The following ARHGAP32 variants were observed in gnomAD, a reference collection of about 807,000 sequenced individuals.
The protein encoded by ARHGAP32 is rho GTPase-activating protein 32.
ARHGAP32 carries 51 observed loss-of-function variants against 186.5 expected under a neutral mutation model. The observed-to-expected ratio is 0.27, with a 90% CI of 0.22 to 0.35. The LOEUF is 0.35. ARHGAP32 is among the 10% of genes least tolerant of loss of function. The pLI, the probability that ARHGAP32 is intolerant of heterozygous loss-of-function variation, is 1.00. For synonymous variants in ARHGAP32, 950 were observed against 964.3 expected (o/e 0.99, Z 0.27); for missense variants, 2,186 against 2,623.5 (o/e 0.83, Z 3.64).
chr11:128,998,636 T>C (rs932419064), intron 11 of ARHGAP32, among the ~76,000 whole-genome samples, 168 bp from the exon 12 acceptor site: 1 of 152,230 alleles, frequency 6.6e-6, no homozygotes, highest in South Asian at 2.1e-4. Context: ...AGTTGTGTTA[T>C]AAATAACATC....
rs1447884208 is a variant in ARHGAP32 at position 129,131,544 on chromosome 11, A to C, written c.226-6650T>G. ...CCTTGGAGAGCCAGAGAATGTGGGC[A>C]AAGTCTCCAATAAAAAACCACCCAA... On this transcript the variant is annotated intron_variant, in intron 2 of 22. Coordinates refer to ENST00000682385, the MANE Select transcript of ARHGAP32 (RefSeq NM_001378024.1). 2.6e-5 allele frequency among the ~76,000 whole-genome samples: 4 copies of C among 152,182 alleles called. No individual in the cohort carries two copies. In the East Asian group the frequency reaches 5.8e-4, roughly 22 times the overall value.
At chr11:129,093,322 T>C (rs1795450839) in intron 6 of ARHGAP32, among the ~76,000 whole-genome samples, 2 of 152,104 alleles carry the variant, frequency 1.3e-5, no homozygotes, top group African/African-American at 4.8e-5. Context: ...CATTGTTATT[T>C]ACTCATAAGT....
upstream of ARHGAP32, among the ~76,000 whole-genome samples, chr11:129,279,480 G>C (rs998337534): frequency 1.4e-5 from 2 of 144,408 alleles, no homozygotes; most frequent in African/African-American, 5.0e-5. Context: ...TCGGGCTCCA[G>C]AGCCTCTCAC....
intron 1 of ARHGAP32, among the ~76,000 whole-genome samples, chr11:129,171,042 G>A (rs61911011): frequency 0.14 from 20,580 of 152,080 alleles, 1,578 homozygotes; most frequent in African/African-American, 0.2. Flanking sequence ...AAATATGTTC[G>A]AAGTTCCTTG....
At chr11:129,107,695 C>A (rs1942087025) in intron 5 of ARHGAP32, among the ~76,000 whole-genome samples, 1 of 151,818 alleles carries the variant, frequency 6.6e-6, no homozygotes, top group Admixed American at 6.6e-5. Context: ...ATGGAGAAAC[C>A]CCGTCTCTAC....
chr11:129,242,498 C>T (rs1945031748), intron 1 of ARHGAP32, among the ~76,000 whole-genome samples: 1 of 152,192 alleles, frequency 6.6e-6, no homozygotes. Flanking sequence ...GCAGGCAGAT[C>T]ACAAGGTCAG....
intron 5 of ARHGAP32, among the ~76,000 whole-genome samples, chr11:129,115,832 T>C (rs1288440550): frequency 6.6e-6 from 1 of 152,058 alleles, no homozygotes; most frequent in African/African-American, 2.4e-5. Flanking sequence ...TTGCTTCTTT[T>C]TCCCAGAGAT....
intron 2 of ARHGAP32, among the ~76,000 whole-genome samples, chr11:129,137,822 G>T (rs539109047): frequency 9.2e-5 from 14 of 152,102 alleles, no homozygotes; most frequent in Non-Finnish European, 1.9e-4. Context: ...ACAGCATATA[G>T]TGTTTTATGA....
At chr11:129,004,416 C>T (rs1937655205) in intron 11 of ARHGAP32, among the ~76,000 whole-genome samples, 1 of 151,772 alleles carries the variant, frequency 6.6e-6, no homozygotes, top group South Asian at 2.1e-4. Context: ...AGATTAGGTC[C>T]TATGTTGATT....
Position 129,049,607 on chromosome 11 carries a change from A to G in ARHGAP32, c.964-8598T>C, listed in dbSNP as rs576040485. Among the ~76,000 whole-genome samples, 25 of 152,286 alleles carry G rather than the reference A, an allele frequency of 1.6e-4. No individual in the cohort carries two copies. The South Asian group carries it at 5.0e-3, about 30-fold the overall frequency. On this transcript the variant is annotated intron_variant, in intron 10 of 22. Coordinates refer to ENST00000682385, the MANE Select transcript of ARHGAP32 (RefSeq NM_001378024.1). ...CACGATATATTACTTTCCATTTTCT[A>G]TAATTTTACATAAATGAAGTCTTAT... is the stretch of plus-strand genomic sequence containing the variant.
At position 128,969,704 on chromosome 11, in the gene ARHGAP32, C is replaced by T. The variant is rs889496668; in HGVS notation, c.5509G>A (p.Gly1837Arg). ...TGCCTCCTATAGAAGCGGTCCTCTC[C>T]CTCGGGACTGATGGCCTTGGCTGCA... ...RHAAKAISPE[G>R]EDRFYRRHPE... The change falls in exon 23 of 23, where the codon GGA becomes AGA. Residue 1837 changes from glycine to arginine, a missense_variant. By Grantham distance (125) the Gly-to-Arg change is moderately radical. Around this residue, in one of 5 missense-constraint regions of ARHGAP32, gnomAD observed 1,502 missense variants for 1,570.0 expected, o/e 0.96. Transcript: ENST00000682385. This position sits in a 1 kb window ranked among gnomAD's most constrained non-coding sequence, Gnocchi z 4.8. 4 of 1,614,056 alleles carry T rather than the reference C, an allele frequency of 2.5e-6. No homozygotes were observed. The highest frequency in any genetic ancestry group is 3.4e-6 in the Non-Finnish European group (4 of 1,180,028).
chr11:129,002,934 G>A lies in ARHGAP32; in HGVS notation c.1046-4466C>T, dbSNP rs564990943. 6.0e-3 allele frequency among the ~76,000 whole-genome samples: 888 copies of A among 148,328 alleles called. 14 individuals carry two copies. Among genetic ancestry groups the A allele is most frequent in the African/African-American group, 0.021 (839 of 40,312 alleles). On this transcript the variant is annotated intron_variant, in intron 11 of 22. Coordinates refer to ENST00000682385, the MANE Select transcript of ARHGAP32 (RefSeq NM_001378024.1). Reference sequence around the variant, plus strand: ...CGCCATTCTCCTGCCTCAGCCTCCCGAGTAGCTGGGACTACAGGCACCCGC... The same window carrying A: ...CGCCATTCTCCTGCCTCAGCCTCCCAAGTAGCTGGGACTACAGGCACCCGC...
At chr11:129,179,953 A>G (rs978262884) in intron 1 of ARHGAP32, among the ~76,000 whole-genome samples, 6 of 152,158 alleles carry the variant, frequency 3.9e-5, no homozygotes, top group African/African-American at 1.4e-4. Context: ...ATAATAAAAA[A>G]AAATTGGAAA....
intron 1 of ARHGAP32, among the ~76,000 whole-genome samples, chr11:129,244,665 A>G (rs1159746730): frequency 2.0e-5 from 3 of 151,972 alleles, no homozygotes; most frequent in Non-Finnish European, 2.9e-5. Context: ...CAGGCAACCT[A>G]CAAAATGGGA....
chr11:129,164,878 A>G (rs1340541631), intron 1 of ARHGAP32, among the ~76,000 whole-genome samples: 1 of 152,188 alleles, frequency 6.6e-6, no homozygotes, highest in African/African-American at 2.4e-5. Context: ...AATGAGAACA[A>G]CTATGAATGT....
Position 128,969,639 on chromosome 11 carries a change from G to A in ARHGAP32, c.5574C>T (p.Gly1858=). The A allele has an allele frequency of 6.2e-7, 1 of 1,614,034 alleles. No homozygotes were observed. Among genetic ancestry groups the A allele is most frequent in the African/African-American group, 1.3e-5 (1 of 75,042 alleles). Residue 1858 remains glycine, a synonymous_variant, in exon 23 of 23, where the codon GGC becomes GGT. Coordinates refer to ENST00000682385, the MANE Select transcript of ARHGAP32 (RefSeq NM_001378024.1). This position sits in a 1 kb window ranked among gnomAD's most constrained non-coding sequence, Gnocchi z 4.8. ...GCTTCTCCGGCTGCGTGCTACCATG[G>A]CCTCCGTGATGGTGGGCTCTGTCCA... ...AEMDRAHHHG[G]HGSTQPEKPS... is the part of the protein sequence containing the mutation.
At chr11:128,994,472 A>T (rs1946147027) in intron 12 of ARHGAP32, among the ~76,000 whole-genome samples, 2 of 152,050 alleles carry the variant, frequency 1.3e-5, no homozygotes, top group Admixed American at 6.6e-5. Context: ...CATATTAATG[A>T]TCACATCTAA....
At chr11:129,035,792 C>T (rs1005182777) in intron 11 of ARHGAP32, among the ~76,000 whole-genome samples, 2 of 150,442 alleles carry the variant, frequency 1.3e-5, no homozygotes. Context: ...TGCAGTGAGC[C>T]GAGATCACGC....
intron 6 of ARHGAP32, among the ~76,000 whole-genome samples, chr11:129,091,029 A>G (rs1941563809): frequency 6.6e-6 from 1 of 152,150 alleles, no homozygotes; most frequent in Non-Finnish European, 1.5e-5. Flanking sequence ...CAGAATAAAA[A>G]GATAAGGGAG....
Sources: gnomAD v4.1 joint callset for allele counts (sites outside exome capture counted in the v4.1 genomes callset) on GRCh38, gnomAD v4.1.1 for gene constraint, gnomAD v4.1.1 regional missense constraint, Gnocchi (gnomAD v3.1) non-coding constraint, MANE v1.5 for transcripts, NCBI Gene and HGNC (gene_info 2026-07-23, HGNC 2026-07-21) for gene names.